SP4: variants seen among roughly 807,000 people sequenced by gnomAD.
SP4 encodes the protein Sp4 transcription factor, also known as transcription factor Sp4.
A neutral mutation model predicts 72.8 loss-of-function variants in SP4; 19 were observed. The ratio of observed to expected loss-of-function variants is 0.26; its 90% confidence interval spans 0.18 to 0.38. The LOEUF (loss-of-function observed/expected upper bound fraction) is 0.38. SP4 is among the 10% of genes least tolerant of loss of function. The pLI is 1.00. For synonymous variants in SP4, 395 were observed against 333.1 expected (o/e 1.19, Z -2.02); for missense variants, 1,008 against 926.3 (o/e 1.09, Z -1.14).
At chr7:21,479,657 C>G (rs1784619538) in intron 4 of SP4, among the ~76,000 whole-genome samples, 1 of 152,146 alleles carries the variant, frequency 6.6e-6, no homozygotes, top group Admixed American at 6.5e-5. Flanking sequence ...TTGTCAGTTT[C>G]TATAAAGAAA....
intron 3 of SP4, among the ~76,000 whole-genome samples, chr7:21,459,417 G>C (rs1025215599): frequency 1.3e-5 from 2 of 152,072 alleles, no homozygotes; most frequent in African/African-American, 2.4e-5. Context: ...CCGTGTTTTG[G>C]AAATTCTTAT....
intron 3 of SP4, among the ~76,000 whole-genome samples, chr7:21,469,891 C>CA (rs139533209): frequency 0.037 from 5,422 of 144,796 alleles, 352 homozygotes; most frequent in East Asian, 0.26. Flanking sequence ...ATACTCTTTT[C>CA]AAAAAAAAAA....
intron 5 of SP4, among the ~76,000 whole-genome samples, chr7:21,486,121 T>TCACAGCTCTATTTTCTTTC (rs1485031208): frequency 6.6e-6 from 1 of 151,962 alleles, no homozygotes; most frequent in African/African-American, 2.4e-5. Flanking sequence ...TAAAACATTG[T>TCACAGCTCTATTTTCTTTC]CACAGCTCTA....
rs1391898626 is a variant in SP4, at chr7:21,430,165, A to G, written c.1000A>G (p.Ser334Gly). The change falls in exon 3 of 6, where the codon AGC (serine) becomes GGC (glycine). Residue 334 changes from serine to glycine, a missense_variant. By Grantham distance (56) the Ser-to-Gly change is moderately conservative. This residue lies in a region of SP4 where 893 missense variants were observed against 743.3 expected (regional missense o/e 1.20). Transcript: ENST00000222584. ...AACCACTGCTTCAACGTCTTTGACA[A>G]GCAGTGACACATTAGTGAGCTCAGC... ...CTTTASTSLT[S>G]SDTLVSSADT... 6.2e-7 allele frequency: 1 copy of G among 1,614,234 alleles called. No individual in the cohort carries two copies. The highest frequency in any genetic ancestry group is 1.7e-5 in the Admixed American group (1 of 60,024).
intron 3 of SP4, among the ~76,000 whole-genome samples, chr7:21,444,769 C>A (rs1783370359): frequency 6.6e-6 from 1 of 152,058 alleles, no homozygotes; most frequent in African/African-American, 2.4e-5. Context: ...ATTTACTTGG[C>A]CAAGATCATA....
intron 5 of SP4, among the ~76,000 whole-genome samples, chr7:21,494,132 T>C (rs1785048416): frequency 6.6e-6 from 1 of 152,178 alleles, no homozygotes; most frequent in Non-Finnish European, 1.5e-5. Context: ...GAAGGAAACA[T>C]CATTAACTGG....
chr7:21,473,820 G>A (rs1424720323), intron 3 of SP4, among the ~76,000 whole-genome samples: 4 of 152,170 alleles, frequency 2.6e-5, no homozygotes, highest in Non-Finnish European at 4.4e-5. Flanking sequence ...AGTATATCAG[G>A]TGCAGAGTGA....
chr7:21,438,132 A>G (rs748895425), intron 3 of SP4, among the ~76,000 whole-genome samples: 4 of 152,128 alleles, frequency 2.6e-5, no homozygotes, highest in Admixed American at 1.3e-4. Flanking sequence ...AGTAGTGATC[A>G]TTCATTAAAG....
chr7:21,471,721 C>T (rs1226860949), intron 3 of SP4, among the ~76,000 whole-genome samples: 1 of 152,146 alleles, frequency 6.6e-6, no homozygotes, highest in Non-Finnish European at 1.5e-5. Context: ...GTAGTCCCAA[C>T]TACTCAGGAG....
At chr7:21,444,405 T>C (rs998208502) in intron 3 of SP4, among the ~76,000 whole-genome samples, 1 of 152,232 alleles carries the variant, frequency 6.6e-6, no homozygotes, top group Non-Finnish European at 1.5e-5. Context: ...TATTAACTTA[T>C]TTAATCTTCA....
At chr7:21,474,142 G>A (rs1045332513) in intron 3 of SP4, among the ~76,000 whole-genome samples, 2 of 152,178 alleles carry the variant, frequency 1.3e-5, no homozygotes, top group African/African-American at 4.8e-5. Flanking sequence ...GGACCAGAGG[G>A]ATCAGGAATC....
At chr7:21,469,377 TCCTC>T (rs1454580316) in intron 3 of SP4, among the ~76,000 whole-genome samples, 1 of 107,832 alleles carries the variant, frequency 9.3e-6, no homozygotes, top group East Asian at 2.1e-4. Context: ...TGATTTCATT[TCCTC>T]ATTCATAGTT....
Position 21,430,308 on chromosome 7 carries a change from T to G in SP4, c.1143T>G (p.Asn381Lys), listed in dbSNP as rs757793189. 6.2e-7 allele frequency: 1 copy of G among 1,614,088 alleles called. No homozygotes were observed. The highest frequency in any genetic ancestry group is 1.3e-5 in the African/African-American group (1 of 74,928). The change falls in exon 3 of 6, where the codon AAT becomes AAG. Residue 381 changes from asparagine (N) to lysine (K), a missense_variant. Physicochemically the swap from Asn to Lys is moderately conservative, Grantham distance 94. This residue lies in a region of SP4 where 893 missense variants were observed against 743.3 expected (regional missense o/e 1.20). Transcript: ENST00000222584. The stretch of plus-strand genomic sequence containing the variant: ...AGAGCTCCAGTCAGCTTCAGCCTAA[T>G]GGAATGCAGAATGCACAGGATCAAT... The part of the protein sequence containing the change: ...EAQSSSQLQP[N>K]GMQNAQDQSN...
intron 3 of SP4, among the ~76,000 whole-genome samples, chr7:21,456,262 A>G (rs1163687597): frequency 6.6e-6 from 1 of 152,238 alleles, no homozygotes; most frequent in Non-Finnish European, 1.5e-5. Context: ...AAAGGGCCTC[A>G]GAGTGAAGCC....
chr7:21,468,220 A>G (rs76274561), intron 3 of SP4, among the ~76,000 whole-genome samples: 2,115 of 152,236 alleles, frequency 0.014, 48 homozygotes, highest in East Asian at 0.081. Context: ...AGCTACCTAC[A>G]TATCTTTATT....
At chr7:21,495,018 TAGA>T (rs1179269861) in intron 5 of SP4, among the ~76,000 whole-genome samples, 1 of 152,176 alleles carries the variant, frequency 6.6e-6, no homozygotes. Context: ...ATAAATTGTA[TAGA>T]AGAATTAGCC....
rs986884274 is a variant in SP4 at position 21,429,940 on chromosome 7, A to G, written c.775A>G (p.Ile259Val). ...TQAQVVTTLPINIGGVTLALP... is the reference protein window; with the variant it reads ...TQAQVVTTLPVNIGGVTLALP... Reference sequence around the variant, plus strand: ...GGCTCAAGTTGTAACAACCCTACCAATTAACATTGGAGGAGTGACTCTAGC... The same window carrying G: ...GGCTCAAGTTGTAACAACCCTACCAGTTAACATTGGAGGAGTGACTCTAGC... Residue 259 changes from isoleucine (I) to valine (V), a missense_variant, in exon 3 of 6, where the codon ATT becomes GTT. Transcript: ENST00000222584. 6.2e-7 allele frequency: 1 copy of G among 1,614,162 alleles called. No individual in the cohort carries two copies. The highest frequency in any genetic ancestry group is 2.2e-5 in the East Asian group (1 of 44,880).
chr7:21,459,905 G>C (rs1038241774), intron 3 of SP4, among the ~76,000 whole-genome samples: 3 of 152,214 alleles, frequency 2.0e-5, no homozygotes, highest in African/African-American at 7.2e-5. Context: ...TTATGTTCCA[G>C]TTGAGGAGAC....
At chr7:21,473,203 C>T (rs1784401247) in intron 3 of SP4, among the ~76,000 whole-genome samples, 1 of 152,098 alleles carries the variant, frequency 6.6e-6, no homozygotes, top group Non-Finnish European at 1.5e-5. Context: ...TGCTTGGAAA[C>T]AGGTTAGCGT....
Sources: gnomAD v4.1 joint callset for allele counts (sites outside exome capture counted in the v4.1 genomes callset) on GRCh38, gnomAD v4.1.1 for gene constraint, gnomAD v4.1.1 regional missense constraint, MANE v1.5 for transcripts, NCBI Gene and HGNC (gene_info 2026-07-23, HGNC 2026-07-21) for gene names.